ADGRL3: variants seen among roughly 807,000 people sequenced by gnomAD.
The protein encoded by ADGRL3 is adhesion G protein-coupled receptor L3.
ADGRL3 carries 62 observed loss-of-function variants against 153.5 expected under a neutral mutation model. The ratio of observed to expected loss-of-function variants is 0.40; its 90% CI spans 0.33 to 0.50. The LOEUF is 0.50. Ranked by LOEUF, ADGRL3 falls within the 20% of genes least tolerant of loss-of-function variation. The probability of loss-of-function intolerance (pLI) is 0.47; values close to 1 mark genes in which losing one functional copy is unlikely to be tolerated. For missense variants in ADGRL3, 1,641 were observed against 1,859.4 expected, an observed-to-expected ratio of 0.88 and a Z score of 2.16; for synonymous variants, 710 against 672.5, an observed-to-expected ratio of 1.06 and a Z score of -0.86.
chr4:61,432,634 CTTTCTTTCTTTCTTTCTT>C (rs1487513189), intron 2 of ADGRL3, among the ~76,000 whole-genome samples: 1 of 32,588 alleles, frequency 3.1e-5, no homozygotes, highest in African/African-American at 9.7e-5. Flanking sequence ...TTCTTTCTTT[CTTTCTTTCTTTCTTTCTT>C]TCTTTTTTTT....
chr4:61,983,174 G>A (rs1383203097), intron 18 of ADGRL3, among the ~76,000 whole-genome samples: 1 of 151,812 alleles, frequency 6.6e-6, no homozygotes, highest in Non-Finnish European at 1.5e-5. Context: ...TCATCTATAA[G>A]CCATTATTAA....
At position 61,377,785 on chromosome 4, in the gene ADGRL3, A is replaced by T. The variant is rs201166738; in HGVS notation, c.-239-5339A>T. ...CTCTTTGTTTAAGGTAGAAGCTTTG[A>T]TTATTGATTTGAGATCTTCCTACTT... On this transcript the variant is annotated intron_variant, in intron 1 of 26. Coordinates refer to ENST00000683033, the MANE Select transcript of ADGRL3 (RefSeq NM_001387552.1). Among the ~76,000 whole-genome samples the T allele has an allele frequency of 1.6e-4, 24 of 151,416 alleles. No individual in the cohort carries two copies. The East Asian group carries it at 2.1e-3, about 14-fold the overall frequency.
At chr4:62,035,207 G>C (rs79071976) in intron 23 of ADGRL3, among the ~76,000 whole-genome samples, 1 of 151,878 alleles carries the variant, frequency 6.6e-6, no homozygotes, top group Admixed American at 6.6e-5. Flanking sequence ...TAGCTAATGC[G>C]AGACTTGGCA....
chr4:61,583,753 CTT>C, intron 4 of ADGRL3: 2 of 518,004 alleles, frequency 3.9e-6, no homozygotes, highest in Non-Finnish European at 7.7e-6. Flanking sequence ...ACATCTAAAA[CTT>C]TTCCAATTTA....
intron 1 of ADGRL3, among the ~76,000 whole-genome samples, chr4:61,327,406 A>G (rs1431399574): frequency 1.3e-5 from 2 of 150,590 alleles, no homozygotes; most frequent in African/African-American, 2.4e-5. Context: ...TTCTTTTTCC[A>G]TTTTAGAACT....
chr4:61,370,786 G>A (rs1298297986), intron 1 of ADGRL3, among the ~76,000 whole-genome samples: 1 of 152,080 alleles, frequency 6.6e-6, no homozygotes, highest in African/African-American at 2.4e-5. Flanking sequence ...GGGTATCCTT[G>A]TTAACTTTCT....
intron 8 of ADGRL3, among the ~76,000 whole-genome samples, chr4:61,796,213 C>T (rs183004327): frequency 7.2e-4 from 110 of 152,250 alleles, no homozygotes; most frequent in African/African-American, 2.1e-3. Flanking sequence ...ATGCAAATGA[C>T]GCCCTGCACA....
intron 2 of ADGRL3, among the ~76,000 whole-genome samples, chr4:61,450,966 G>GTAT (rs2097666369): frequency 6.6e-6 from 1 of 151,954 alleles, no homozygotes; most frequent in Admixed American, 6.6e-5. Context: ...AATTACAATA[G>GTAT]TATTAGATTA....
intron 4 of ADGRL3, among the ~76,000 whole-genome samples, chr4:61,546,615 G>A (rs371951907): frequency 1.0e-3 from 154 of 152,148 alleles, no homozygotes; most frequent in African/African-American, 3.6e-3. Flanking sequence ...GTTCAATGAA[G>A]TCACGTTTAT....
intron 5 of ADGRL3, among the ~76,000 whole-genome samples, chr4:61,590,453 A>C (rs947551417): frequency 3.3e-5 from 5 of 152,126 alleles, no homozygotes; most frequent in Non-Finnish European, 4.4e-5. Context: ...ATAACTTTAG[A>C]AATTTTACAT....
intron 21 of ADGRL3, among the ~76,000 whole-genome samples, chr4:62,006,587 T>G (rs2099160113): frequency 6.6e-6 from 1 of 151,826 alleles, no homozygotes; most frequent in Non-Finnish European, 1.5e-5. Flanking sequence ...ATTTTTTTTT[T>G]TTTTTTTGCA....
intron 1 of ADGRL3, among the ~76,000 whole-genome samples, chr4:61,251,231 G>A (rs1306346105): frequency 6.6e-6 from 1 of 152,136 alleles, no homozygotes; most frequent in Non-Finnish European, 1.5e-5. Flanking sequence ...TCATCTGGAG[G>A]CTCTTTCACT....
chr4:61,477,388 CACAT>C (rs915960738), intron 2 of ADGRL3, among the ~76,000 whole-genome samples: 38 of 152,092 alleles, frequency 2.5e-4, no homozygotes, highest in East Asian at 9.6e-4. Context: ...CACACACACA[CACAT>C]GTGCACACAC....
At chr4:61,871,000 C>T (rs748714783) in intron 9 of ADGRL3, among the ~76,000 whole-genome samples, 10 of 152,112 alleles carry the variant, frequency 6.6e-5, no homozygotes, top group Admixed American at 1.3e-4. Flanking sequence ...ATACGGGGGC[C>T]GGGCACGGTG....
chr4:61,229,967 T>A (rs994309676), intron 1 of ADGRL3, among the ~76,000 whole-genome samples: 8 of 152,024 alleles, frequency 5.3e-5, no homozygotes, highest in Non-Finnish European at 1.2e-4. Flanking sequence ...ATAGATAGAA[T>A]GTACTTTAGG....
At chr4:61,283,382 A>G (rs1354322004) in intron 1 of ADGRL3, among the ~76,000 whole-genome samples, 1 of 152,044 alleles carries the variant, frequency 6.6e-6, no homozygotes, top group African/African-American at 2.4e-5. Context: ...TTTTTCAGGG[A>G]GCTTTCTCAA....
chr4:61,336,001 A>G (rs2151044475), intron 1 of ADGRL3, among the ~76,000 whole-genome samples: 1 of 152,300 alleles, frequency 6.6e-6, no homozygotes, highest in East Asian at 1.9e-4. Context: ...AAATTTATTT[A>G]TTGTAAACAT....
chr4:61,686,330 A>G (rs1282067292), intron 6 of ADGRL3, among the ~76,000 whole-genome samples: 2 of 152,288 alleles, frequency 1.3e-5, no homozygotes, highest in South Asian at 2.1e-4. Flanking sequence ...TGTGAGATCT[A>G]TGAAGTAAAT....
chr4:61,887,181 G>A (rs1272684860), intron 9 of ADGRL3, among the ~76,000 whole-genome samples: 1 of 151,878 alleles, frequency 6.6e-6, no homozygotes, highest in South Asian at 2.1e-4. Context: ...ATTTTTGATT[G>A]TATAATTTTA....
Sources: gnomAD v4.1 joint callset for allele counts (sites outside exome capture counted in the v4.1 genomes callset) on GRCh38, gnomAD v4.1.1 for gene constraint, MANE v1.5 for transcripts, NCBI Gene and HGNC (gene_info 2026-07-23, HGNC 2026-07-21) for gene names.